The following LRP5 variants were observed in gnomAD, a reference collection of about 807,000 sequenced individuals.
LRP5 encodes low-density lipoprotein receptor-related protein 5.
LRP5 carries 62 observed loss-of-function variants against 154.1 expected under a neutral mutation model. That is an observed-to-expected ratio of 0.40 (90% confidence interval 0.33 to 0.50). The LOEUF is 0.50. Among genes scored for constraint, LRP5 ranks in the 20% least tolerant of loss-of-function variants. The probability of loss-of-function intolerance (pLI) is 0.55; values close to 1 mark genes in which losing one functional copy is unlikely to be tolerated. For missense variants in LRP5, 1,915 were observed against 2,336.7 expected, an observed-to-expected ratio of 0.82 and a Z score of 3.72; for synonymous variants, 966 against 1,011.5, an observed-to-expected ratio of 0.96 and a Z score of 0.85.
intron 16 of LRP5, 145 bp downstream of exon 16, chr11:68,426,332 C>T (rs903902748): frequency 1.8e-5 from 12 of 669,592 alleles, no homozygotes; most frequent in African/African-American, 1.3e-4. Flanking sequence ...TGGGGTTCAG[C>T]GACATGTCCG....
chr11:68,401,509 G>C (rs1265174290), intron 7 of LRP5, among the ~76,000 whole-genome samples: 1 of 152,208 alleles, frequency 6.6e-6, no homozygotes, highest in East Asian at 1.9e-4. Flanking sequence ...GTTGTTTGCT[G>C]TTTTGTTGTT....
At chr11:68,299,824 C>A in the LRP5 span, among the ~76,000 whole-genome samples, 6 of 148,864 alleles carry the variant, frequency 4.0e-5, no homozygotes, top group Admixed American at 1.3e-4. Flanking sequence ...CTCAAGTGAT[C>A]CGCCCGCCTC....
At position 68,433,589 on chromosome 11, in the gene LRP5, G is replaced by C. The variant is rs2098673147; in HGVS notation, c.3764-13G>C. 1 of 1,608,644 alleles carries C rather than the reference G, an allele frequency of 6.2e-7. No homozygotes were observed. The highest frequency in any genetic ancestry group is 1.7e-5 in the Admixed American group (1 of 59,998). ...GGGGCTGCGTGTGATGTTCTCCTCT[G>C]TCCCTCCCCCAGAGCCGCCCACCTG... On this transcript the variant is annotated splice_polypyrimidine_tract_variant and intron_variant, in intron 17 of 22. Coordinates refer to ENST00000294304, the MANE Select transcript of LRP5 (RefSeq NM_002335.4).
intron 5 of LRP5, among the ~76,000 whole-genome samples, chr11:68,370,660 C>T (rs1000238269): frequency 5.9e-5 from 9 of 152,238 alleles, no homozygotes; most frequent in African/African-American, 1.7e-4. Flanking sequence ...TCACCTTTCT[C>T]TAGTCTTGTG....
intron 1 of LRP5, among the ~76,000 whole-genome samples, chr11:68,327,032 G>A (rs1246522267): frequency 1.3e-5 from 2 of 152,186 alleles, no homozygotes; most frequent in Non-Finnish European, 2.9e-5. Context: ...TCCTGCCTTC[G>A]CCCTGGCCAA....
chr11:68,332,560 C>G (rs2098603488), intron 1 of LRP5, among the ~76,000 whole-genome samples: 1 of 152,182 alleles, frequency 6.6e-6, no homozygotes, highest in Non-Finnish European at 1.5e-5. Flanking sequence ...TCACCTGGGT[C>G]CAGGAGGCCA....
chr11:68,374,701 C>T (rs2098636371), intron 5 of LRP5, among the ~76,000 whole-genome samples: 1 of 152,196 alleles, frequency 6.6e-6, no homozygotes, highest in South Asian at 2.1e-4. Flanking sequence ...CCCTCCACCA[C>T]TCTCCTGACT....
rs376163277 is a variant in LRP5, at chr11:68,425,097, C to G, written c.3237-5C>G. 4.3e-6 allele frequency: 7 copies of G among 1,613,268 alleles called. No homozygotes were observed. Among genetic ancestry groups the G allele is most frequent in the Non-Finnish European group, 5.1e-6 (6 of 1,179,888 alleles). On this transcript the variant is annotated splice_polypyrimidine_tract_variant and splice_region_variant and intron_variant, in intron 14 of 22. Coordinates refer to ENST00000294304, the MANE Select transcript of LRP5 (RefSeq NM_002335.4). ...ACCCGTCCTTCACCCGCCACCCTCC[C>G]GCAGGTACCTGTACTTCACCAACAT... is the stretch of plus-strand genomic sequence containing the variant.
chr11:68,398,718 T>A (rs2153160315), intron 7 of LRP5, among the ~76,000 whole-genome samples: 1 of 151,820 alleles, frequency 6.6e-6, no homozygotes, highest in East Asian at 1.9e-4. Context: ...AAAAATTATA[T>A]GGAATTCAAA....
chr11:68,334,528 C>T (rs950047983), intron 1 of LRP5, among the ~76,000 whole-genome samples: 3 of 152,164 alleles, frequency 2.0e-5, no homozygotes, highest in Non-Finnish European at 4.4e-5. Flanking sequence ...GTAGGTACTG[C>T]CACACACACA....
chr11:68,299,874 C>T, the LRP5 span, among the ~76,000 whole-genome samples: 1,124 of 148,758 alleles, frequency 7.6e-3, 115 homozygotes, highest in Non-Finnish European at 0.012. Context: ...CGAGCCATCG[C>T]GCTCCGCCTT....
chr11:68,356,832 A>G (rs1212977165), intron 2 of LRP5, among the ~76,000 whole-genome samples: 1 of 152,092 alleles, frequency 6.6e-6, no homozygotes, highest in Non-Finnish European at 1.5e-5. Flanking sequence ...TGCTTTTTCC[A>G]GAGTGTTTAG....
intron 1 of LRP5, among the ~76,000 whole-genome samples, chr11:68,340,117 G>A (rs1178600160): frequency 6.6e-6 from 1 of 152,180 alleles, no homozygotes; most frequent in African/African-American, 2.4e-5. Context: ...GCGTGTGCCT[G>A]TAATCCCAGC....
rs756096128 is a variant in LRP5 at position 68,403,463 on chromosome 11, A to G, written c.1585-20A>G. The stretch of plus-strand genomic sequence containing the variant: ...GTGTGGCCCTGGCCCATCCAGACCT[A>G]TATTTCTGCCGTCCTGCAGGTGATC... On this transcript the variant is annotated intron_variant, in intron 7 of 22. Coordinates refer to ENST00000294304, the MANE Select transcript of LRP5 (RefSeq NM_002335.4). 5.0e-6 allele frequency: 8 copies of G among 1,610,930 alleles called. No individual in the cohort carries two copies. Among genetic ancestry groups the G allele is most frequent in the East Asian group, 4.5e-5 (2 of 44,874 alleles).
At position 68,411,451 on chromosome 11, in the gene LRP5, C is replaced by T. The variant is rs753035383; in HGVS notation, c.2334C>T (p.Thr778=). 23 of 1,612,008 alleles carry T rather than the reference C, an allele frequency of 1.4e-5. No individual in the cohort carries two copies. Among genetic ancestry groups the T allele is most frequent in the African/African-American group, 8.0e-5 (6 of 74,910 alleles). The change falls in exon 11 of 23, where the codon ACC becomes ACT. Residue 778 remains threonine (T), a synonymous_variant. Coordinates refer to ENST00000294304, the MANE Select transcript of LRP5 (RefSeq NM_002335.4). Reference sequence around the variant, plus strand: ...TGCCTTCCAGCTACATCTACTGGACCGAGTGGGGCGGCAAGCCGAGGATCG... The same window carrying T: ...TGCCTTCCAGCTACATCTACTGGACTGAGTGGGGCGGCAAGCCGAGGATCG... ...LDPTKGYIYW[T]EWGGKPRIVR... is the part of the protein sequence containing the mutation.
intron 2 of LRP5, among the ~76,000 whole-genome samples, chr11:68,352,674 C>T (rs2098619714): frequency 2.0e-5 from 3 of 148,968 alleles, no homozygotes; most frequent in Admixed American, 1.3e-4. Context: ...TTGTTGGTGT[C>T]CAGTTGAGAG....
intron 2 of LRP5, 56 bp from the exon 3 acceptor site, chr11:68,357,594 C>T (rs2098624171): frequency 4.6e-6 from 7 of 1,537,736 alleles, no homozygotes; most frequent in African/African-American, 1.4e-5. Flanking sequence ...TCTATGCAGA[C>T]AAAAACAAAA....
chr11:68,339,733 C>T (rs1305539944), intron 1 of LRP5, among the ~76,000 whole-genome samples: 1 of 152,158 alleles, frequency 6.6e-6, no homozygotes, highest in African/African-American at 2.4e-5. Context: ...TTTATCCGTT[C>T]ATCGGTTATG....
In LRP5 at chr11:68,423,422, A is replaced by C; in HGVS notation, c.3028-67A>C. 1 of 1,455,748 alleles carries C rather than the reference A, an allele frequency of 6.9e-7. No individual in the cohort carries two copies. Among genetic ancestry groups the C allele is most frequent in the East Asian group, 2.3e-5 (1 of 44,076 alleles). 90.2% of individuals were successfully genotyped at this position (1,455,748 alleles called of 1,614,324 possible). On this transcript the variant is annotated intron_variant, in intron 13 of 22. Coordinates refer to ENST00000294304, the MANE Select transcript of LRP5 (RefSeq NM_002335.4). This position sits in a 1 kb window ranked among gnomAD's most constrained non-coding sequence, Gnocchi z 4.7. ...GTGCCCGGGGGTCTCCGCCAGTGCC[A>C]GGGGTCTCCGCCAGTGCCCAGGGGT...
Sources: allele counts gnomAD v4.1 joint callset (sites outside exome capture counted in the v4.1 genomes callset), GRCh38; gene constraint gnomAD v4.1.1; non-coding constraint Gnocchi (gnomAD v3.1); transcripts MANE v1.5; gene names NCBI Gene and HGNC (gene_info 2026-07-23, HGNC 2026-07-21).